Variants in FAM184A observed in about 807,000 individuals in gnomAD.
FAM184A encodes family with sequence similarity 184 member A, also known as protein FAM184A.
A neutral mutation model predicts 143.8 loss-of-function variants in FAM184A; 99 were observed. The ratio of observed to expected loss-of-function variants is 0.69; its 90% CI spans 0.58 to 0.81. FAM184A has a LOEUF of 0.81. Among genes scored for constraint, FAM184A ranks in the 40% least tolerant of loss-of-function variants. The probability of loss-of-function intolerance (pLI) is 0.00; values close to 1 mark genes in which losing one functional copy is unlikely to be tolerated. For missense variants in FAM184A, 1,217 were observed against 1,310.5 expected (o/e 0.93, Z 1.10); for synonymous variants, 427 against 446.4 (o/e 0.96, Z 0.55).
At chr6:118,979,656 A>G (rs1220027434) in intron 10 of FAM184A, 138 bp from the exon 11 acceptor site, 1 of 655,834 alleles carries the variant, frequency 1.5e-6, no homozygotes, top group African/African-American at 1.9e-5. Flanking sequence ...AAAACTAGAC[A>G]TAAGATAATC....
At position 119,020,020 on chromosome 6, in the gene FAM184A, A is replaced by C. The variant is rs767457442; in HGVS notation, c.1290T>G (p.Ser430Arg). 22 of 1,605,300 alleles carry C rather than the reference A, an allele frequency of 1.4e-5. No individual in the cohort carries two copies. In the South Asian group the frequency reaches 2.2e-4, roughly 16 times the overall value. ...ERAFLRSKTQ[S>R]LDEEQKQQIL... ...TCTGTTGCTTCTGCTCTTCATCCAGACTTTGGGTTTTGCTTCGCAAAAAAG... is the reference window on the plus strand; with the variant it reads ...TCTGTTGCTTCTGCTCTTCATCCAGCCTTTGGGTTTTGCTTCGCAAAAAAG... Residue 430 changes from serine to arginine, a missense_variant, in exon 4 of 18, where the codon AGT (serine) becomes AGG (arginine). Transcript: ENST00000338891.
chr6:119,087,137 C>T (rs1318320405), intron 1 of FAM184A, among the ~76,000 whole-genome samples: 3 of 152,142 alleles, frequency 2.0e-5, no homozygotes, highest in Admixed American at 6.5e-5. Context: ...AGATTAACCC[C>T]AGGCAGTAGC....
chr6:118,978,259 G>A (rs1232843234), intron 11 of FAM184A, among the ~76,000 whole-genome samples: 6 of 152,054 alleles, frequency 3.9e-5, no homozygotes, highest in East Asian at 3.9e-4. Flanking sequence ...CACCACACCC[G>A]GCCAACAAAG....
At chr6:119,107,792 A>AAAAAAAG (rs763545394) in intron 1 of FAM184A, among the ~76,000 whole-genome samples, 7 of 136,484 alleles carry the variant, frequency 5.1e-5, no homozygotes, top group South Asian at 2.4e-4. Context: ...AAAAAAAAAA[A>AAAAAAAG]AAAGAAAGAA....
chr6:119,135,383 T>A (rs1439940855), intron 1 of FAM184A, among the ~76,000 whole-genome samples: 2 of 152,144 alleles, frequency 1.3e-5, no homozygotes, highest in Non-Finnish European at 2.9e-5. Flanking sequence ...TCTAAAGAAT[T>A]GGTAATGCTG....
At chr6:119,127,583 C>T (rs1329954863) in intron 1 of FAM184A, among the ~76,000 whole-genome samples, 1 of 152,182 alleles carries the variant, frequency 6.6e-6, no homozygotes, top group African/African-American at 2.4e-5. Context: ...TATGTGATCC[C>T]GGTCAAATGA....
intron 1 of FAM184A, among the ~76,000 whole-genome samples, chr6:119,125,735 A>G (rs1350265175): frequency 6.6e-6 from 1 of 152,138 alleles, no homozygotes; most frequent in African/African-American, 2.4e-5. Context: ...TATACAGTGG[A>G]CCAATAGGTC....
intron 5 of FAM184A, among the ~76,000 whole-genome samples, chr6:119,014,284 C>A (rs1318867099): frequency 6.6e-6 from 1 of 152,200 alleles, no homozygotes; most frequent in Non-Finnish European, 1.5e-5. Context: ...CTGACTTAAT[C>A]CTCGAAGGAA....
At chr6:119,044,181 G>T (rs1040901599) in intron 1 of FAM184A, among the ~76,000 whole-genome samples, 7 of 152,120 alleles carry the variant, frequency 4.6e-5, no homozygotes, top group Admixed American at 6.6e-5. Flanking sequence ...GAGCAATTAT[G>T]CAAGAAAAAG....
intron 1 of FAM184A, among the ~76,000 whole-genome samples, chr6:119,107,422 G>A (rs1404251184): frequency 6.6e-6 from 1 of 152,162 alleles, no homozygotes; most frequent in Non-Finnish European, 1.5e-5. Flanking sequence ...AAGGGTAAGA[G>A]GAGCTTTTAT....
intron 1 of FAM184A, among the ~76,000 whole-genome samples, chr6:119,086,126 A>T (rs530575528): frequency 6.6e-6 from 1 of 152,240 alleles, no homozygotes; most frequent in African/African-American, 2.4e-5. Flanking sequence ...CTTTTAAAAA[A>T]ATCTAGCAAA....
chr6:119,064,940 C>T (rs987932099), intron 1 of FAM184A, among the ~76,000 whole-genome samples: 2 of 152,182 alleles, frequency 1.3e-5, no homozygotes, highest in African/African-American at 4.8e-5. Flanking sequence ...ATTGATCTCT[C>T]CCTTTAGCAT....
intron 1 of FAM184A, among the ~76,000 whole-genome samples, chr6:119,076,747 C>T (rs1367771605): frequency 6.6e-6 from 1 of 152,150 alleles, no homozygotes; most frequent in Non-Finnish European, 1.5e-5. Flanking sequence ...CATCAATATT[C>T]GGAAGATCAA....
intron 1 of FAM184A, among the ~76,000 whole-genome samples, chr6:119,077,041 C>T (rs1787897728): frequency 1.3e-5 from 2 of 152,216 alleles, no homozygotes; most frequent in Middle Eastern, 3.4e-3. Context: ...TTTATGTTAT[C>T]TTTTCTATCC....
chr6:119,014,797 A>T (rs538587806), intron 5 of FAM184A, among the ~76,000 whole-genome samples: 1 of 152,298 alleles, frequency 6.6e-6, no homozygotes, highest in African/African-American at 2.4e-5. Flanking sequence ...GGTAGCTCAC[A>T]CCTATAATTC....
Position 119,091,598 on chromosome 6 carries a change from G to A in FAM184A, c.-202+57480C>T, listed in dbSNP as rs1321214763. 2.0e-5 allele frequency among the ~76,000 whole-genome samples: 3 copies of A among 152,118 alleles called. No homozygotes were observed. In the South Asian group the frequency reaches 6.2e-4, roughly 31 times the overall value. On this transcript the variant is annotated intron_variant, in intron 1 of 16. Transcript: ENST00000352896. Reference sequence around the variant, plus strand: ...AAACTGATGTTATACAGGTAACAACGTTAGTAAATGAAGCATTCTGTAAGC... The same window carrying A: ...AAACTGATGTTATACAGGTAACAACATTAGTAAATGAAGCATTCTGTAAGC...
chr6:119,138,114 A>G (rs1280374909), intron 1 of FAM184A, among the ~76,000 whole-genome samples: 1 of 152,210 alleles, frequency 6.6e-6, no homozygotes, highest in African/African-American at 2.4e-5. Flanking sequence ...GAAGTCAGTG[A>G]TACATACTAT....
chr6:118,994,354 T>TAA, intron 9 of FAM184A, among the ~76,000 whole-genome samples: 1 of 151,400 alleles, frequency 6.6e-6, no homozygotes, highest in Non-Finnish European at 1.5e-5. Flanking sequence ...AATAAATAAA[T>TAA]ATGGAGGTGA....
rs748108899 is a variant in FAM184A, at chr6:118,974,454, C to T, written c.2889G>A (p.Lys963=). The T allele has an allele frequency of 7.5e-6, 12 of 1,610,216 alleles. No individual in the cohort carries two copies. Among genetic ancestry groups the T allele is most frequent in the Non-Finnish European group, 9.3e-6 (11 of 1,178,136 alleles). The part of the protein sequence containing the change: ...ADFNKTNELL[K]EINAALQVSL... Reference sequence around the variant, plus strand: ...ACACTTGTAAAGCGGCATTTATTTCCTTGAGTAGCTCGTTAGTCTTATTAA... The same window carrying T: ...ACACTTGTAAAGCGGCATTTATTTCTTTGAGTAGCTCGTTAGTCTTATTAA... Residue 963 remains lysine (K), a synonymous_variant, in exon 14 of 18, where the codon AAG becomes AAA. Coordinates refer to ENST00000338891, the MANE Select transcript of FAM184A (RefSeq NM_024581.6).
Sources: allele counts gnomAD v4.1 joint callset (sites outside exome capture counted in the v4.1 genomes callset), GRCh38; gene constraint gnomAD v4.1.1; transcripts MANE v1.5; gene names NCBI Gene and HGNC (gene_info 2026-07-23, HGNC 2026-07-21).